Variants in TMEM45A observed in about 807,000 individuals in gnomAD.
TMEM45A encodes transmembrane protein 45A.
TMEM45A carries 25 observed loss-of-function variants against 32.0 expected under a neutral mutation model. The ratio of observed to expected loss-of-function variants is 0.78; its 90% CI spans 0.57 to 1.09. The LOEUF (loss-of-function observed/expected upper bound fraction) is 1.09, where lower values mean the gene tolerates loss of function less well. Ranked by LOEUF, TMEM45A falls within the 50% of genes least tolerant of loss-of-function variation. TMEM45A has a pLI of 0.00. For synonymous variants in TMEM45A, 122 were observed against 114.8 expected (o/e 1.06, Z -0.40); for missense variants, 302 against 325.0 (o/e 0.93, Z 0.54).
intron 1 of TMEM45A, among the ~76,000 whole-genome samples, chr3:100,518,735 G>A (rs896351103): frequency 3.9e-5 from 6 of 152,130 alleles, no homozygotes; most frequent in South Asian, 2.1e-4. Context: ...TGGAGTGTTC[G>A]TCTATTCCCC....
intron 1 of TMEM45A, chr3:100,519,752 T>A (rs1386447121): frequency 1.2e-6 from 1 of 824,528 alleles, no homozygotes; most frequent in East Asian, 2.7e-5. Flanking sequence ...TTGTGGCTGA[T>A]CAAGGCAAAG....
chr3:100,560,626 T>C (rs7644235), intron 4 of TMEM45A, among the ~76,000 whole-genome samples: 63,703 of 152,002 alleles, frequency 0.42, 13,525 homozygotes, highest in Middle Eastern at 0.48. Flanking sequence ...GTGTCAGTGG[T>C]TGTAAATGAT....
At chr3:100,575,757 G>A (rs1009999796) in intron 5 of TMEM45A, among the ~76,000 whole-genome samples, 1 of 152,192 alleles carries the variant, frequency 6.6e-6, no homozygotes, top group African/African-American at 2.4e-5. Context: ...GGCATCACAT[G>A]CAGTTGAACA....
chr3:100,575,577 G>C (rs1187640621), intron 5 of TMEM45A, among the ~76,000 whole-genome samples: 4 of 152,014 alleles, frequency 2.6e-5, no homozygotes. Context: ...TTGCCATGTT[G>C]GCCAGTCTGG....
intron 1 of TMEM45A, among the ~76,000 whole-genome samples, chr3:100,499,324 A>T (rs1024449215): frequency 1.3e-5 from 2 of 152,116 alleles, no homozygotes; most frequent in African/African-American, 2.4e-5. Context: ...TTATAGTTTT[A>T]GCTCATATGT....
chr3:100,572,714 T>C (rs1483502965), intron 5 of TMEM45A: 2 of 152,044 alleles, frequency 1.3e-5, no homozygotes, highest in African/African-American at 4.8e-5. Context: ...GGTTTTCTTC[T>C]AGGGTTTTTA....
At chr3:100,501,453 C>A (rs1342847728) in intron 1 of TMEM45A, among the ~76,000 whole-genome samples, 1 of 152,194 alleles carries the variant, frequency 6.6e-6, no homozygotes, top group Admixed American at 6.5e-5. Context: ...GTTCCAAACC[C>A]TCACAGGTGA....
At chr3:100,544,659 T>C (rs548451194) in intron 1 of TMEM45A, among the ~76,000 whole-genome samples, 2 of 152,278 alleles carry the variant, frequency 1.3e-5, no homozygotes, top group African/African-American at 4.8e-5. Context: ...CATAATGCTT[T>C]TGAGATTAAT....
chr3:100,514,229 T>C (rs990946562), intron 1 of TMEM45A, among the ~76,000 whole-genome samples: 4 of 152,104 alleles, frequency 2.6e-5, no homozygotes, highest in Non-Finnish European at 5.9e-5. Flanking sequence ...CAAACTATAC[T>C]ACAAGGCTAC....
chr3:100,546,046 T>C (rs1705972930), intron 1 of TMEM45A, among the ~76,000 whole-genome samples: 1 of 152,114 alleles, frequency 6.6e-6, no homozygotes, highest in Non-Finnish European at 1.5e-5. Flanking sequence ...CAGGAATCCA[T>C]GGTTAGGAAG....
intron 1 of TMEM45A, among the ~76,000 whole-genome samples, chr3:100,533,122 C>A (rs551836105): frequency 4.6e-5 from 7 of 152,160 alleles, no homozygotes; most frequent in African/African-American, 1.7e-4. Flanking sequence ...CCTCTCTCTC[C>A]CCTCCCTTCC....
intron 1 of TMEM45A, among the ~76,000 whole-genome samples, chr3:100,540,497 T>C (rs181210542): frequency 1.1e-4 from 17 of 152,310 alleles, no homozygotes; most frequent in African/African-American, 3.6e-4. Flanking sequence ...GATACTACTA[T>C]ACACCTATCA....
At chr3:100,515,998 T>C (rs1708256304) in intron 1 of TMEM45A, among the ~76,000 whole-genome samples, 1 of 152,210 alleles carries the variant, frequency 6.6e-6, no homozygotes, top group Non-Finnish European at 1.5e-5. Context: ...AGGTTTGAAA[T>C]GCTCCCAATA....
intron 1 of TMEM45A, among the ~76,000 whole-genome samples, chr3:100,548,333 C>T (rs1383615764): frequency 6.6e-6 from 1 of 152,162 alleles, no homozygotes; most frequent in Non-Finnish European, 1.5e-5. Flanking sequence ...TCTCCACATG[C>T]TCATTCAAAT....
At chr3:100,558,652 A>G (rs796203545) in intron 4 of TMEM45A, 63 bp downstream of exon 4, 2 of 1,554,700 alleles carry the variant, frequency 1.3e-6, no homozygotes, top group Non-Finnish European at 1.8e-6. Flanking sequence ...TGTTTATTTG[A>G]TGAGGCAGTT....
At chr3:100,550,452 G>A (rs1706073377) in intron 1 of TMEM45A, among the ~76,000 whole-genome samples, 1 of 152,086 alleles carries the variant, frequency 6.6e-6, no homozygotes, top group Admixed American at 6.5e-5. Context: ...TTAGTGTATT[G>A]GAATTTACAA....
chr3:100,556,419 T>C (rs774818422), intron 2 of TMEM45A, among the ~76,000 whole-genome samples: 2 of 152,236 alleles, frequency 1.3e-5, no homozygotes, highest in Non-Finnish European at 2.9e-5. Flanking sequence ...TCTATCTCCA[T>C]AGGAGTTGTC....
At chr3:100,535,411 G>A (rs755902406) in intron 1 of TMEM45A, among the ~76,000 whole-genome samples, 1 of 152,060 alleles carries the variant, frequency 6.6e-6, no homozygotes, top group Non-Finnish European at 1.5e-5. Flanking sequence ...CCAAGAGACC[G>A]AGAGACCAGA....
Position 100,558,398 on chromosome 3 carries a change from C to T in TMEM45A, c.404-7C>T, listed in dbSNP as rs73860691. 1.3e-3 allele frequency: 2,142 copies of T among 1,612,382 alleles called. 32 individuals carry two copies. The African/African-American group carries it at 0.025, about 19-fold the overall frequency. On this transcript the variant is annotated splice_region_variant and splice_polypyrimidine_tract_variant and intron_variant, in intron 3 of 5. Coordinates refer to ENST00000323523, the MANE Select transcript of TMEM45A (RefSeq NM_018004.3). ...CTGAAAAAGACAATCTGTTTTTTCCCCATCAGCCTTTATCTTCTACAACCA... is the reference window on the plus strand; with the variant it reads ...CTGAAAAAGACAATCTGTTTTTTCCTCATCAGCCTTTATCTTCTACAACCA...
Sources: gnomAD v4.1 joint callset for allele counts (sites outside exome capture counted in the v4.1 genomes callset) on GRCh38, gnomAD v4.1.1 for gene constraint, MANE v1.5 for transcripts, NCBI Gene and HGNC (gene_info 2026-07-23, HGNC 2026-07-21) for gene names.